Variants in SYNDIG1L observed in about 807,000 individuals in gnomAD.
SYNDIG1L encodes synapse differentiation inducing 1 like.
A neutral mutation model predicts 20.1 loss-of-function variants in SYNDIG1L; 13 were observed. That is an observed-to-expected ratio of 0.65 (90% CI 0.42 to 1.03). The LOEUF (loss-of-function observed/expected upper bound fraction) is 1.03. Among genes scored for constraint, SYNDIG1L ranks in the 50% least tolerant of loss-of-function variants. The pLI is 0.00. For missense variants in SYNDIG1L, 294 were observed against 305.1 expected, an observed-to-expected ratio of 0.96 and a Z score of 0.27; for synonymous variants, 128 against 129.3, an observed-to-expected ratio of 0.99 and a Z score of 0.07.
chr14:74,476,633 C>A, the SYNDIG1L span: 4 of 1,474,952 alleles, frequency 2.7e-6, no homozygotes, highest in South Asian at 3.7e-5. Flanking sequence ...CTGCCCCAGT[C>A]GAGAGGAGCT....
the SYNDIG1L span, among the ~76,000 whole-genome samples, chr14:74,440,917 G>C: frequency 6.6e-6 from 1 of 152,174 alleles, no homozygotes; most frequent in Non-Finnish European, 1.5e-5. Context: ...TCCCCAGTCT[G>C]TCCCTCATGG....
At chr14:74,440,237 C>T in the SYNDIG1L span, among the ~76,000 whole-genome samples, 12 of 141,628 alleles carry the variant, frequency 8.5e-5, no homozygotes, top group Admixed American at 8.4e-4. Context: ...AAATTAAGGC[C>T]GGGCGCGGTG....
the SYNDIG1L span, among the ~76,000 whole-genome samples, chr14:74,433,669 G>A: frequency 6.6e-6 from 1 of 152,190 alleles, no homozygotes; most frequent in Non-Finnish European, 1.5e-5. Flanking sequence ...ACAGGCGGGA[G>A]CCACTGTGCC....
At chr14:74,428,087 AG>A (rs1200066548), upstream of SYNDIG1L, among the ~76,000 whole-genome samples, 1 of 152,274 alleles carries the variant, frequency 6.6e-6, no homozygotes, top group East Asian at 1.9e-4. Context: ...TGTTGTATCA[AG>A]GGCCCTGGCC....
chr14:74,444,708 G>T, the SYNDIG1L span, among the ~76,000 whole-genome samples: 2 of 151,958 alleles, frequency 1.3e-5, no homozygotes, highest in Non-Finnish European at 2.9e-5. Context: ...TCAAGATTGT[G>T]CCACTGTACT....
chr14:74,479,197 T>C, the SYNDIG1L span: 2 of 152,260 alleles, frequency 1.3e-5, no homozygotes, highest in Non-Finnish European at 2.9e-5. Context: ...TGTTGATAAC[T>C]GTATTCCTGA....
chr14:74,424,682 A>G (rs1313543930), intron 1 of SYNDIG1L, among the ~76,000 whole-genome samples: 1 of 152,206 alleles, frequency 6.6e-6, no homozygotes, highest in Non-Finnish European at 1.5e-5. Flanking sequence ...AAAGGGAGAC[A>G]TGGCCATGCT....
At chr14:74,407,826 AC>A in intron 3 of SYNDIG1L, 22 bp downstream of exon 3, 1 of 1,604,156 alleles carries the variant, frequency 6.2e-7, no homozygotes, top group Non-Finnish European at 8.5e-7. Context: ...CAGAGAAGGG[AC>A]CTGGGCCCCA....
At chr14:74,443,128 A>G in the SYNDIG1L span, among the ~76,000 whole-genome samples, 1 of 152,240 alleles carries the variant, frequency 6.6e-6, no homozygotes, top group Non-Finnish European at 1.5e-5. Context: ...CATAGTGTAA[A>G]GAGGGGGCAG....
At chr14:74,414,370 A>G (rs1051231877) in intron 1 of SYNDIG1L, among the ~76,000 whole-genome samples, 1 of 152,122 alleles carries the variant, frequency 6.6e-6, no homozygotes, top group African/African-American at 2.4e-5. Context: ...GGGTCCCACA[A>G]TGGGAGAGGG....
the SYNDIG1L span, among the ~76,000 whole-genome samples, chr14:74,432,664 T>G: frequency 6.6e-6 from 1 of 152,180 alleles, no homozygotes; most frequent in Non-Finnish European, 1.5e-5. Flanking sequence ...GAGACCAGCT[T>G]GGCCAACATA....
At chr14:74,423,594 C>T (rs1001952093) in intron 1 of SYNDIG1L, among the ~76,000 whole-genome samples, 1 of 152,062 alleles carries the variant, frequency 6.6e-6, no homozygotes, top group African/African-American at 2.4e-5. Flanking sequence ...TCAGCTCTAC[C>T]GAAATGCCAA....
At chr14:74,473,322 T>C in the SYNDIG1L span, among the ~76,000 whole-genome samples, 1 of 151,910 alleles carries the variant, frequency 6.6e-6, no homozygotes, top group Non-Finnish European at 1.5e-5. Context: ...AAGGCGGAGG[T>C]TGCAGTGAGA....
In SYNDIG1L at chr14:74,406,137, T is replaced by C. The variant is rs1244597462; in HGVS notation, c.*1398A>G. ...GTCCAGACAGGCCTGCCCACATTGG[T>C]GCTGCCCCCCGCCTACCTGGAGATG... On this transcript the variant is annotated 3_prime_UTR_variant, in exon 4 of 4. Transcript: ENST00000331628. 5.0e-6 allele frequency: 2 copies of C among 398,886 alleles called. No homozygotes were observed. The highest frequency in any genetic ancestry group is 8.8e-6 in the Non-Finnish European group (2 of 226,372). The allele number at this position is 398,886 out of a possible 1,614,324, so 24.7% of individuals were successfully genotyped here.
At chr14:74,470,107 G>A in the SYNDIG1L span, among the ~76,000 whole-genome samples, 1 of 152,018 alleles carries the variant, frequency 6.6e-6, no homozygotes, top group African/African-American at 2.4e-5. Context: ...CATTGTCTAG[G>A]AGTTCTTGTA....
the SYNDIG1L span, among the ~76,000 whole-genome samples, chr14:74,465,194 G>A: frequency 6.6e-6 from 1 of 152,152 alleles, no homozygotes; most frequent in Non-Finnish European, 1.5e-5. Context: ...AGGTGCTGAG[G>A]GGAGAAGCTA....
At chr14:74,469,440 A>G in the SYNDIG1L span, among the ~76,000 whole-genome samples, 1 of 151,972 alleles carries the variant, frequency 6.6e-6, no homozygotes, top group African/African-American at 2.4e-5. Context: ...TAATGGGTGC[A>G]GCACACCAAC....
chr14:74,430,888 T>A (rs1566587970), upstream of SYNDIG1L, among the ~76,000 whole-genome samples: 1 of 152,218 alleles, frequency 6.6e-6, no homozygotes, highest in East Asian at 1.9e-4. Flanking sequence ...TTCATTCTTA[T>A]AAACATGTAT....
At chr14:74,428,916 G>A (rs1240504908), upstream of SYNDIG1L, among the ~76,000 whole-genome samples, 1 of 152,196 alleles carries the variant, frequency 6.6e-6, no homozygotes, top group African/African-American at 2.4e-5. Flanking sequence ...AACACTGGGG[G>A]CTCCTGCTGC....
Sources: gnomAD v4.1 joint callset for allele counts (sites outside exome capture counted in the v4.1 genomes callset) on GRCh38, gnomAD v4.1.1 for gene constraint, MANE v1.5 for transcripts, NCBI Gene and HGNC (gene_info 2026-07-23, HGNC 2026-07-21) for gene names.